The following CTIF variants were observed in gnomAD, a reference collection of about 807,000 sequenced individuals.
CTIF encodes the protein CBP80/20-dependent translation initiation factor.
Under a neutral mutation model 66.0 loss-of-function variants are expected in CTIF, and 21 were observed. That is an observed-to-expected ratio of 0.32 (90% CI 0.23 to 0.46). The LOEUF (loss-of-function observed/expected upper bound fraction) is 0.46. Among genes scored for constraint, CTIF ranks in the 20% least tolerant of loss-of-function variants. The pLI, the probability that CTIF is intolerant of heterozygous loss-of-function variation, is 1.00. For synonymous variants in CTIF, 345 were observed against 326.4 expected (o/e 1.06, Z -0.62); for missense variants, 739 against 812.7 (o/e 0.91, Z 1.10).
At chr18:48,551,698 G>A (rs994298406) in intron 1 of CTIF, among the ~76,000 whole-genome samples, 2 of 152,150 alleles carry the variant, frequency 1.3e-5, no homozygotes, top group African/African-American at 4.8e-5. Context: ...ACTCTGGCCT[G>A]CAAGCTGTTG....
intron 1 of CTIF, among the ~76,000 whole-genome samples, chr18:48,580,692 C>T (rs912806585): frequency 1.3e-5 from 2 of 152,196 alleles, no homozygotes; most frequent in African/African-American, 4.8e-5. Flanking sequence ...TTTACCGGAC[C>T]GTCGTCTTTC....
chr18:48,787,041 C>T (rs1911771878), intron 9 of CTIF, among the ~76,000 whole-genome samples: 1 of 152,170 alleles, frequency 6.6e-6, no homozygotes, highest in Non-Finnish European at 1.5e-5. Context: ...TGGGAGGGGC[C>T]CTGTGGCTGG....
intron 1 of CTIF, among the ~76,000 whole-genome samples, chr18:48,588,959 C>T (rs948315198): frequency 3.3e-5 from 5 of 152,152 alleles, no homozygotes; most frequent in African/African-American, 9.7e-5. Flanking sequence ...CTACATGTAC[C>T]CGGCGCCCCT....
intron 9 of CTIF, among the ~76,000 whole-genome samples, chr18:48,804,631 C>G (rs982310934): frequency 2.0e-5 from 3 of 152,214 alleles, no homozygotes; most frequent in Non-Finnish European, 4.4e-5. Context: ...GCACCAGATA[C>G]GTTGCACATG....
At chr18:48,563,715 G>A (rs968364053) in intron 1 of CTIF, among the ~76,000 whole-genome samples, 2 of 152,204 alleles carry the variant, frequency 1.3e-5, no homozygotes, top group African/African-American at 4.8e-5. Flanking sequence ...CAGGTGATCT[G>A]CCTGCCTCAG....
At chr18:48,642,485 A>C (rs1555661485) in intron 3 of CTIF, among the ~76,000 whole-genome samples, 1 of 152,166 alleles carries the variant, frequency 6.6e-6, no homozygotes, top group Non-Finnish European at 1.5e-5. Context: ...TGTTAGAGTA[A>C]TAGTTAGGAG....
chr18:48,553,982 C>T (rs2088956810), intron 1 of CTIF, among the ~76,000 whole-genome samples: 1 of 152,120 alleles, frequency 6.6e-6, no homozygotes, highest in Non-Finnish European at 1.5e-5. Flanking sequence ...CCACTCATGA[C>T]CTCAGAGCTC....
chr18:48,683,550 A>G (rs1598863485), intron 6 of CTIF, among the ~76,000 whole-genome samples: 1 of 151,394 alleles, frequency 6.6e-6, no homozygotes, highest in Non-Finnish European at 1.5e-5. Context: ...CCTGAAGGAA[A>G]GAGCTCTGAT....
In CTIF at chr18:48,632,950, G is replaced by A. The variant is rs545700135; in HGVS notation, c.181-3664G>A. Among the ~76,000 whole-genome samples the A allele has an allele frequency of 5.1e-5, 7 of 136,596 alleles. No individual in the cohort carries two copies. In the South Asian group the frequency reaches 7.3e-4, roughly 14 times the overall value. The allele number at this position is 136,596 out of a possible 152,430, so 89.6% of individuals were successfully genotyped here. On this transcript the variant is annotated intron_variant, in intron 2 of 11. Coordinates refer to ENST00000256413, the MANE Select transcript of CTIF (RefSeq NM_014772.3). ...GCCTTGGACAAGGCAGAGCAGTCTC[G>A]TTGGAGCTTGGAAAGCTCACCAAGG...
intron 7 of CTIF, among the ~76,000 whole-genome samples, chr18:48,738,248 C>T (rs557547062): frequency 3.9e-5 from 6 of 152,352 alleles, no homozygotes; most frequent in South Asian, 4.1e-4. Flanking sequence ...TACTCCTGCC[C>T]GCTGGGCCAA....
intron 7 of CTIF, among the ~76,000 whole-genome samples, chr18:48,740,081 A>C (rs985338895): frequency 6.6e-6 from 1 of 152,248 alleles, no homozygotes; most frequent in Non-Finnish European, 1.5e-5. Flanking sequence ...GAGAGAAGTG[A>C]GGCAGAGAGC....
intron 1 of CTIF, among the ~76,000 whole-genome samples, chr18:48,575,276 G>T (rs1222335199): frequency 6.6e-6 from 1 of 152,188 alleles, no homozygotes; most frequent in Non-Finnish European, 1.5e-5. Context: ...TGTAATGCAG[G>T]TGATGCTTTG....
intron 1 of CTIF, among the ~76,000 whole-genome samples, chr18:48,591,323 C>T (rs1029423495): frequency 6.6e-6 from 1 of 152,220 alleles, no homozygotes; most frequent in African/African-American, 2.4e-5. Flanking sequence ...CCCACCGCTC[C>T]AGGCAATGGC....
chr18:48,688,758 G>C (rs1477502671), intron 6 of CTIF, among the ~76,000 whole-genome samples: 4 of 152,202 alleles, frequency 2.6e-5, no homozygotes, highest in African/African-American at 9.6e-5. Flanking sequence ...AAGGCTCACA[G>C]GACATCTGTT....
intron 9 of CTIF, among the ~76,000 whole-genome samples, chr18:48,778,847 C>G (rs1158493914): frequency 6.6e-6 from 1 of 152,234 alleles, no homozygotes. Context: ...CGGGACACAT[C>G]AGTCCAGCAG....
chr18:48,602,400 A>C (rs2090106063), intron 1 of CTIF, among the ~76,000 whole-genome samples: 1 of 152,220 alleles, frequency 6.6e-6, no homozygotes, highest in Admixed American at 6.5e-5. Flanking sequence ...AAGAGATGAA[A>C]CAGTCTCAGA....
intron 9 of CTIF, among the ~76,000 whole-genome samples, chr18:48,800,954 C>T (rs2068037016): frequency 6.6e-6 from 1 of 152,238 alleles, no homozygotes; most frequent in African/African-American, 2.4e-5. Flanking sequence ...TGCCTGGGAT[C>T]CAGGAGCTTT....
chr18:48,554,825 CG>C (rs1216122005), intron 1 of CTIF, among the ~76,000 whole-genome samples: 3 of 152,234 alleles, frequency 2.0e-5, no homozygotes, highest in Non-Finnish European at 2.9e-5. Context: ...TGTAGCCTCC[CG>C]GGAATTGGAA....
At chr18:48,690,388 T>C (rs2091909348) in intron 6 of CTIF, among the ~76,000 whole-genome samples, 1 of 152,054 alleles carries the variant, frequency 6.6e-6, no homozygotes, top group Non-Finnish European at 1.5e-5. Flanking sequence ...ATCTAGCTAG[T>C]TTCCTGATTT....
Sources: gnomAD v4.1 joint callset for allele counts (sites outside exome capture counted in the v4.1 genomes callset) on GRCh38, gnomAD v4.1.1 for gene constraint, MANE v1.5 for transcripts, NCBI Gene and HGNC (gene_info 2026-07-23, HGNC 2026-07-21) for gene names.